AAK1: variants seen among roughly 807,000 people sequenced by gnomAD.
AAK1 encodes the protein AP2-associated protein kinase 1.
In AAK1, 37 loss-of-function variants were observed where a neutral mutation model predicts 116.0. The ratio of observed to expected loss-of-function variants is 0.32; its 90% CI spans 0.25 to 0.42. AAK1 has a LOEUF of 0.42. Ranked by LOEUF, AAK1 falls within the 10% of genes least tolerant of loss-of-function variation. The pLI is 1.00. For missense variants in AAK1, 919 were observed against 1,170.6 expected, an observed-to-expected ratio of 0.79 and a Z score of 3.14; for synonymous variants, 458 against 439.9, an observed-to-expected ratio of 1.04 and a Z score of -0.51.
chr2:69,500,779 A>C (rs1675953637), intron 16 of AAK1, among the ~76,000 whole-genome samples: 1 of 150,196 alleles, frequency 6.7e-6, no homozygotes, highest in Admixed American at 6.7e-5. Flanking sequence ...GGAAAGGCAG[A>C]AACAAAAACA....
At chr2:69,475,989 G>A in intron 21 of AAK1, 26 bp from the exon 22 acceptor site, 1 of 1,598,700 alleles carries the variant, frequency 6.3e-7, no homozygotes, top group African/African-American at 1.3e-5. Context: ...TAGGAATTCA[G>A]TACAAAACAT....
At chr2:69,528,140 A>G (rs1420460778) in intron 8 of AAK1, among the ~76,000 whole-genome samples, 1 of 152,238 alleles carries the variant, frequency 6.6e-6, no homozygotes. Context: ...GAACAGTCTG[A>G]GCAAAGAAGG....
chr2:69,471,530 G>T lies in AAK1; in HGVS notation c.*4339C>A. On this transcript the variant is annotated 3_prime_UTR_variant, in exon 22 of 22. Transcript: ENST00000409085. ...TAAATATTCATGTGATAGTTTTTCT[G>T]TTCTGCCAGGCAGCCTCTAATTTGC... 1.0e-6 allele frequency: 1 copy of T among 985,416 alleles called. No individual in the cohort carries two copies. The highest frequency in any genetic ancestry group is 1.2e-6 in the Non-Finnish European group (1 of 829,938). The allele number at this position is 985,416 out of a possible 1,614,324, so 61.0% of individuals were successfully genotyped here. A position where few individuals can be genotyped will look rare whatever the true frequency, so the allele number is the denominator to read the frequency against.
chr2:69,487,787 CTTTT>C (rs1177565486), intron 17 of AAK1, among the ~76,000 whole-genome samples: 1 of 122,796 alleles, frequency 8.1e-6, no homozygotes, highest in Non-Finnish European at 1.8e-5. Flanking sequence ...TGTTTGTTTG[CTTTT>C]TTTTTTTTTT....
chr2:69,534,876 C>T (rs1263105869), intron 5 of AAK1, among the ~76,000 whole-genome samples: 1 of 152,180 alleles, frequency 6.6e-6, no homozygotes, highest in African/African-American at 2.4e-5. Context: ...GGCAATGTTT[C>T]TTTCACTGTG....
intron 2 of AAK1, among the ~76,000 whole-genome samples, chr2:69,563,113 C>T (rs185960774): frequency 3.9e-5 from 6 of 152,226 alleles, no homozygotes; most frequent in Non-Finnish European, 5.9e-5. Context: ...TCCTTGGGGG[C>T]GTCACCATGA....
At chr2:69,594,361 T>C (rs1673168852) in intron 2 of AAK1, among the ~76,000 whole-genome samples, 1 of 152,226 alleles carries the variant, frequency 6.6e-6, no homozygotes, top group Non-Finnish European at 1.5e-5. Flanking sequence ...CTCCACATCA[T>C]TCTTTGCACT....
chr2:69,624,979 A>G (rs1244172723), intron 2 of AAK1, among the ~76,000 whole-genome samples: 1 of 152,252 alleles, frequency 6.6e-6, no homozygotes, highest in East Asian at 1.9e-4. Flanking sequence ...GTCCCTGAGC[A>G]TTGCTACTCA....
intron 3 of AAK1, 76 bp from the exon 4 acceptor site, chr2:69,544,620 G>T: frequency 9.7e-7 from 1 of 1,032,734 alleles, no homozygotes; most frequent in Non-Finnish European, 1.5e-6. Flanking sequence ...AGTTCCATTA[G>T]CACAGATAAT....
intron 16 of AAK1, among the ~76,000 whole-genome samples, chr2:69,500,938 G>A (rs1675958638): frequency 6.6e-6 from 1 of 151,710 alleles, no homozygotes; most frequent in East Asian, 1.9e-4. Context: ...TGAATCCAAG[G>A]TCCTAAGCTT....
At chr2:69,591,582 G>A (rs1337779979) in intron 2 of AAK1, among the ~76,000 whole-genome samples, 4 of 137,676 alleles carry the variant, frequency 2.9e-5, no homozygotes, top group Admixed American at 7.3e-5. Flanking sequence ...GTGCAGTGGC[G>A]TGATCTCGGC....
chr2:69,588,369 T>A (rs1294880890), intron 2 of AAK1, among the ~76,000 whole-genome samples: 1 of 152,222 alleles, frequency 6.6e-6, no homozygotes, highest in African/African-American at 2.4e-5. Flanking sequence ...TTATGGGAAC[T>A]TTTGCTGATA....
At chr2:69,629,905 A>T in intron 2 of AAK1, among the ~76,000 whole-genome samples, 1 of 152,202 alleles carries the variant, frequency 6.6e-6, no homozygotes, top group Non-Finnish European at 1.5e-5. Flanking sequence ...GCCAGCAAAA[A>T]AAGACAGGCA....
chr2:69,616,951 T>C (rs1204660327), intron 2 of AAK1, among the ~76,000 whole-genome samples: 1 of 152,150 alleles, frequency 6.6e-6, no homozygotes, highest in Non-Finnish European at 1.5e-5. Flanking sequence ...GACATGCTGC[T>C]TTCTGCCTGT....
At chr2:69,574,733 G>A (rs187749155) in intron 2 of AAK1, among the ~76,000 whole-genome samples, 59 of 152,238 alleles carry the variant, frequency 3.9e-4, no homozygotes, top group African/African-American at 1.4e-3. Context: ...TACTTCTGGA[G>A]GCTGAGGCGA....
At chr2:69,476,831 G>T in intron 21 of AAK1, 49 bp downstream of exon 21, 1 of 1,356,632 alleles carries the variant, frequency 7.4e-7, no homozygotes, top group Non-Finnish European at 1.0e-6. Flanking sequence ...TGACTATTTT[G>T]AAGAGAACTG....
At chr2:69,572,718 AC>A (rs1672139650) in intron 2 of AAK1, among the ~76,000 whole-genome samples, 1 of 151,764 alleles carries the variant, frequency 6.6e-6, no homozygotes, top group Non-Finnish European at 1.5e-5. Context: ...CGAGTGGCTC[AC>A]CCCAGTCCTG....
In AAK1 at chr2:69,643,645, C is replaced by A; in HGVS notation, c.-305G>T. The stretch of plus-strand genomic sequence containing the variant: ...TTGTCACGGCCGCCGGGCCGGCCTG[C>A]GACGCAGAGAAGAGGCGGCGCTGCA... On this transcript the variant is annotated 5_prime_UTR_variant, in exon 1 of 22. Coordinates refer to ENST00000409085, the MANE Select transcript of AAK1 (RefSeq NM_014911.5). 8.1e-7 allele frequency: 1 copy of A among 1,227,420 alleles called. No individual in the cohort carries two copies. The highest frequency in any genetic ancestry group is 4.1e-5 in the South Asian group (1 of 24,130). 76.0% of individuals were successfully genotyped at this position (1,227,420 alleles called of 1,614,324 possible).
At position 69,467,307 on chromosome 2, in the gene AAK1, C is replaced by T. The variant is rs930354080; in HGVS notation, c.*8562G>A. On this transcript the variant is annotated 3_prime_UTR_variant, in exon 22 of 22. Transcript: ENST00000409085. ...TAAAATGCATGGGCCATTACAGAAG[C>T]ATTAGCAAACTCCAATATACTAGTC... is the stretch of plus-strand genomic sequence containing the variant. The T allele has an allele frequency of 1.4e-5, 14 of 985,310 alleles. No individual in the cohort carries two copies. Among genetic ancestry groups the T allele is most frequent in the Non-Finnish European group, 1.7e-5 (14 of 829,940 alleles). The allele number at this position is 985,310 out of a possible 1,614,324, so 61.0% of individuals were successfully genotyped here. A position where few individuals can be genotyped will look rare whatever the true frequency, so the allele number is the denominator to read the frequency against.
Sources: allele counts gnomAD v4.1 joint callset (sites outside exome capture counted in the v4.1 genomes callset), GRCh38; gene constraint gnomAD v4.1.1; transcripts MANE v1.5; gene names NCBI Gene and HGNC (gene_info 2026-07-23, HGNC 2026-07-21).